Variants in PCDHGA3 observed in about 807,000 individuals in gnomAD.
PCDHGA3 encodes the protein protocadherin gamma subfamily A, 3.
A neutral mutation model predicts 58.5 loss-of-function variants in PCDHGA3; 40 were observed. The ratio of observed to expected loss-of-function variants is 0.68; its 90% CI spans 0.53 to 0.89. The LOEUF (loss-of-function observed/expected upper bound fraction) is 0.89, where lower values mean the gene tolerates loss of function less well. PCDHGA3 is among the 40% of genes least tolerant of loss of function. The pLI is 0.00. For synonymous variants in PCDHGA3, 530 were observed against 525.7 expected (o/e 1.01, Z -0.11); for missense variants, 1,223 against 1,195.9 (o/e 1.02, Z -0.33).
chr5:141,422,150 T>A (rs773805631), intron 1 of PCDHGA3: 1 of 1,577,174 alleles, frequency 6.3e-7, no homozygotes, highest in Non-Finnish European at 8.6e-7. Context: ...CGGGGGTCTC[T>A]GGATTTTGAA....
chr5:141,408,256 T>C, intron 1 of PCDHGA3: 1 of 1,602,226 alleles, frequency 6.2e-7, no homozygotes, highest in East Asian at 2.3e-5. Flanking sequence ...AGGTGCTATT[T>C]CCTTTGCTGC....
chr5:141,367,755 C>A (rs564169622), intron 1 of PCDHGA3: 1 of 152,184 alleles, frequency 6.6e-6, no homozygotes, highest in South Asian at 2.1e-4. Context: ...TTACATACTG[C>A]TGCACTCAAT....
chr5:141,505,634 A>T, intron 3 of PCDHGA3, 153 bp downstream of exon 3: 6 of 971,426 alleles, frequency 6.2e-6, no homozygotes, highest in Non-Finnish European at 7.3e-6. Context: ...CCAAACATAA[A>T]GCCTGGAATT....
intron 1 of PCDHGA3, chr5:141,409,879 A>G (rs1175297210): frequency 1.9e-6 from 3 of 1,612,734 alleles, no homozygotes; most frequent in African/African-American, 2.7e-5. Flanking sequence ...ATGACAACGC[A>G]CCGCGGGTGC....
chr5:141,419,368 C>T, intron 1 of PCDHGA3: 1 of 1,613,776 alleles, frequency 6.2e-7, no homozygotes, highest in Non-Finnish European at 8.5e-7. Context: ...CGCTGTCGTC[C>T]TACGTGTCCG....
At chr5:141,413,498 T>G (rs1187570193) in intron 1 of PCDHGA3, 1 of 1,614,026 alleles carries the variant, frequency 6.2e-7, no homozygotes, top group Admixed American at 1.7e-5. Context: ...CGGTGCGTGG[T>G]GAGTTTTAAT....
At chr5:141,430,379 T>C (rs1174248880) in intron 1 of PCDHGA3, among the ~76,000 whole-genome samples, 1 of 149,570 alleles carries the variant, frequency 6.7e-6, no homozygotes, top group Non-Finnish European at 1.5e-5. Flanking sequence ...AAAAAGCTCA[T>C]TGGGAAAAAA....
intron 1 of PCDHGA3, among the ~76,000 whole-genome samples, chr5:141,480,216 C>T (rs1055544952): frequency 1.9e-4 from 28 of 147,036 alleles, no homozygotes; most frequent in Non-Finnish European, 3.6e-4. Flanking sequence ...CCAGCCTGAG[C>T]GACATAGTGA....
At chr5:141,404,089 T>A in intron 1 of PCDHGA3, 2 of 1,613,496 alleles carry the variant, frequency 1.2e-6, no homozygotes, top group Non-Finnish European at 1.7e-6. Flanking sequence ...CCGGGAAGAA[T>A]GGTCAAGTTG....
chr5:141,491,434 A>T lies in PCDHGA3; in HGVS notation c.2425-3373A>T. 6.2e-7 allele frequency: 1 copy of T among 1,614,032 alleles called. No homozygotes were observed. Among genetic ancestry groups the T allele is most frequent in the Non-Finnish European group, 8.5e-7 (1 of 1,179,988 alleles). On this transcript the variant is annotated intron_variant, in intron 1 of 3. Transcript: ENST00000253812. The surrounding 1 kb of genome is among the most constrained non-coding windows in gnomAD (Gnocchi z 6.9). ...GGACGGGGGTGGAGGGCAGTGCTGC[A>T]GGCGCCAGGACTCACCCTCCCCGGA...
intron 1 of PCDHGA3, among the ~76,000 whole-genome samples, chr5:141,452,988 T>C (rs2098753680): frequency 6.6e-6 from 1 of 152,228 alleles, no homozygotes; most frequent in Admixed American, 6.5e-5. Context: ...AGTACTGTGC[T>C]GAAAAGTTAC....
intron 1 of PCDHGA3, among the ~76,000 whole-genome samples, chr5:141,347,156 T>TTTCTTTCTTTCTTTCTTTCTTTC (rs2149744116): frequency 7.2e-6 from 1 of 139,788 alleles, no homozygotes; most frequent in African/African-American, 2.7e-5. Flanking sequence ...TCTTTCTTTC[T>TTTCTTTCTTTCTTTCTTTCTTTC]TTCTTTCTTT....
Position 141,491,415 on chromosome 5 carries a change from G to GGGT in PCDHGA3, c.2425-3389_2425-3387dup. 1 of 1,614,126 alleles carries GGGT rather than the reference G, an allele frequency of 6.2e-7. No individual in the cohort carries two copies. Among genetic ancestry groups the GGGT allele is most frequent in the Non-Finnish European group, 8.5e-7 (1 of 1,180,034 alleles). ...TTCAGGGAAACGCAGACGGGGACGG[G>GGGT]GGTGGAGGGCAGTGCTGCAGGCGCC... On this transcript the variant is annotated intron_variant, in intron 1 of 3. Transcript: ENST00000253812. The surrounding 1 kb of genome is among the most constrained non-coding windows in gnomAD (Gnocchi z 6.9).
chr5:141,408,201 C>T (rs1036342508), intron 1 of PCDHGA3: 4 of 1,548,914 alleles, frequency 2.6e-6, no homozygotes, highest in South Asian at 2.4e-5. Flanking sequence ...CCCGAGCGAA[C>T]GATGGGAGGG....
chr5:141,390,186 A>G (rs760464699), intron 1 of PCDHGA3: 1 of 1,614,048 alleles, frequency 6.2e-7, no homozygotes, highest in East Asian at 2.2e-5. Flanking sequence ...CCTAAAATGT[A>G]GTGAGCAGTT....
chr5:141,403,006 G>T, intron 1 of PCDHGA3: 3 of 1,614,006 alleles, frequency 1.9e-6, no homozygotes, highest in African/African-American at 1.3e-5. Context: ...TGCTATGCTC[G>T]CTCCTGGGGA....
chr5:141,472,188 G>C (rs779077950), intron 1 of PCDHGA3, among the ~76,000 whole-genome samples: 4 of 152,168 alleles, frequency 2.6e-5, no homozygotes, highest in Middle Eastern at 3.2e-3. Context: ...ATTGGAATTT[G>C]AATCTTTTTG....
At chr5:141,365,314 T>A in intron 1 of PCDHGA3, 1 of 1,613,862 alleles carries the variant, frequency 6.2e-7, no homozygotes, top group East Asian at 2.2e-5. Context: ...GCGCTCTTGT[T>A]GCCAGCGCTA....
At chr5:141,495,236 A>G (rs2099759742) in intron 2 of PCDHGA3, among the ~76,000 whole-genome samples, 1 of 152,168 alleles carries the variant, frequency 6.6e-6, no homozygotes, top group South Asian at 2.1e-4. Flanking sequence ...GGGCTCCATT[A>G]TGACCTGGGG....
Sources: allele counts gnomAD v4.1 joint callset (sites outside exome capture counted in the v4.1 genomes callset), GRCh38; gene constraint gnomAD v4.1.1; non-coding constraint Gnocchi (gnomAD v3.1); transcripts MANE v1.5; gene names NCBI Gene and HGNC (gene_info 2026-07-23, HGNC 2026-07-21).